The following PPP2R3A variants were observed in gnomAD, a reference collection of about 807,000 sequenced individuals.
PPP2R3A encodes protein phosphatase 2 regulatory subunit B''alpha.
In PPP2R3A, 80 loss-of-function variants were observed where a neutral mutation model predicts 106.9. The observed-to-expected ratio is 0.75, with a 90% confidence interval of 0.62 to 0.90. The LOEUF (loss-of-function observed/expected upper bound fraction) is 0.90, where lower values mean the gene tolerates loss of function less well. PPP2R3A is among the 40% of genes least tolerant of loss of function. The pLI is 0.00. For synonymous variants in PPP2R3A, 483 were observed against 468.3 expected, an observed-to-expected ratio of 1.03 and a Z score of -0.41; for missense variants, 1,386 against 1,350.4, an observed-to-expected ratio of 1.03 and a Z score of -0.41.
At chr3:136,073,768 C>G (rs575426222) in intron 6 of PPP2R3A, among the ~76,000 whole-genome samples, 162 of 152,258 alleles carry the variant, frequency 1.1e-3, no homozygotes, top group African/African-American at 3.6e-3. Context: ...TCCTCAGTGC[C>G]TTTTCTGTTA....
intron 2 of PPP2R3A, among the ~76,000 whole-genome samples, chr3:136,018,842 G>T (rs1454778754): frequency 6.6e-6 from 1 of 152,208 alleles, no homozygotes; most frequent in Non-Finnish European, 1.5e-5. Context: ...ATGCCCAGCA[G>T]CCTATCCTAC....
intron 12 of PPP2R3A, 106 bp downstream of exon 12, chr3:136,103,482 C>A: frequency 1.4e-6 from 1 of 737,182 alleles, no homozygotes; most frequent in Non-Finnish European, 2.2e-6. Flanking sequence ...AAAGAGGTAA[C>A]ATTTGTAACA....
intron 10 of PPP2R3A, among the ~76,000 whole-genome samples, chr3:136,100,401 G>A (rs929743107): frequency 4.0e-5 from 6 of 151,660 alleles, no homozygotes; most frequent in Non-Finnish European, 7.4e-5. Context: ...CAGGCTAGGC[G>A]CCGTGGCTCA....
Position 136,090,726 on chromosome 3 carries a change from G to C in PPP2R3A, c.2927+59G>C, listed in dbSNP as rs1937075357. The C allele has an allele frequency of 4.2e-6, 6 of 1,431,084 alleles. No individual in the cohort carries two copies. The Admixed American group carries it at 1.0e-4, about 25-fold the overall frequency. The allele number at this position is 1,431,084 out of a possible 1,614,324, so 88.6% of individuals were successfully genotyped here. A position where few individuals can be genotyped will look rare whatever the true frequency, so the allele number is the denominator to read the frequency against. ...AAACACATGCACAAAGCTTGAAAAA[G>C]TCATGGTGTATATTATACCTAGTGA... On this transcript the variant is annotated intron_variant, in intron 10 of 13. Transcript: ENST00000264977.
intron 1 of PPP2R3A, among the ~76,000 whole-genome samples, chr3:135,973,895 A>G (rs756811571): frequency 5.9e-5 from 9 of 152,138 alleles, no homozygotes; most frequent in Non-Finnish European, 1.0e-4. Flanking sequence ...TTTGTTTTCT[A>G]CAGTTATCTA....
intron 2 of PPP2R3A, among the ~76,000 whole-genome samples, chr3:136,015,364 A>G (rs752636868): frequency 1.1e-4 from 17 of 152,054 alleles, no homozygotes; most frequent in Admixed American, 3.9e-4. Flanking sequence ...CTCTTTCTCT[A>G]TATTTTGGAA....
Position 136,002,426 on chromosome 3 carries a change from C to G in PPP2R3A, c.928C>G (p.Leu310Val). The G allele has an allele frequency of 1.2e-6, 2 of 1,613,878 alleles. No homozygotes were observed. The highest frequency in any genetic ancestry group is 1.7e-6 in the Non-Finnish European group (2 of 1,179,772). The change falls in exon 2 of 14, where the codon CTG becomes GTG. Residue 310 changes from leucine (L) to valine (V), a missense_variant. Physicochemically the swap from Leu to Val is conservative, Grantham distance 32. Transcript: ENST00000264977. The part of the protein sequence containing the change: ...GNNEALDLTE[L>V]ISNMPSLQLT... Reference sequence around the variant, plus strand: ...TAATGAGGCTCTAGATTTAACAGAACTGATCAGTAATATGCCTAGCTTACA... The same window carrying G: ...TAATGAGGCTCTAGATTTAACAGAAGTGATCAGTAATATGCCTAGCTTACA...
chr3:135,998,456 A>G (rs2107783525), intron 1 of PPP2R3A, among the ~76,000 whole-genome samples: 1 of 152,378 alleles, frequency 6.6e-6, no homozygotes, highest in South Asian at 2.1e-4. Context: ...AAAACAATGT[A>G]CTTCCATTTT....
intron 1 of PPP2R3A, among the ~76,000 whole-genome samples, chr3:135,990,973 C>G (rs1272642037): frequency 6.6e-6 from 1 of 152,140 alleles, no homozygotes; most frequent in African/African-American, 2.4e-5. Flanking sequence ...TGTCTTCAAA[C>G]TTGAGACTCA....
chr3:136,050,307 A>G (rs1428952843), intron 5 of PPP2R3A, among the ~76,000 whole-genome samples: 1 of 152,226 alleles, frequency 6.6e-6, no homozygotes, highest in Non-Finnish European at 1.5e-5. Context: ...TCAGACCTGA[A>G]TAAACGTCAG....
At chr3:136,110,507 A>G (rs1937577779) in intron 13 of PPP2R3A, among the ~76,000 whole-genome samples, 1 of 152,202 alleles carries the variant, frequency 6.6e-6, no homozygotes, top group Non-Finnish European at 1.5e-5. Flanking sequence ...CAATAGAAAT[A>G]ATAGCTTAAT....
chr3:136,042,583 G>T (rs1222238455), intron 4 of PPP2R3A, among the ~76,000 whole-genome samples: 1 of 152,188 alleles, frequency 6.6e-6, no homozygotes, highest in Non-Finnish European at 1.5e-5. Flanking sequence ...CAGATGAATT[G>T]TTTAAATTTT....
At chr3:135,973,583 G>C (rs1056892559) in intron 1 of PPP2R3A, among the ~76,000 whole-genome samples, 5 of 152,148 alleles carry the variant, frequency 3.3e-5, no homozygotes, top group African/African-American at 1.2e-4. Context: ...GTTGAATTCT[G>C]TTGCTATTCC....
chr3:136,032,547 A>G (rs1934936221), intron 3 of PPP2R3A, among the ~76,000 whole-genome samples: 1 of 146,404 alleles, frequency 6.8e-6, no homozygotes, highest in Admixed American at 7.0e-5. Flanking sequence ...TTTTTTCCTG[A>G]GACGGAGTCT....
chr3:135,997,878 C>G (rs1306403875), intron 1 of PPP2R3A, among the ~76,000 whole-genome samples: 3 of 152,172 alleles, frequency 2.0e-5, no homozygotes, highest in African/African-American at 7.2e-5. Flanking sequence ...TCATAACCTC[C>G]TAATCGATTT....
intron 2 of PPP2R3A, among the ~76,000 whole-genome samples, chr3:136,008,743 G>C (rs1329130550): frequency 6.6e-6 from 1 of 152,004 alleles, no homozygotes; most frequent in Non-Finnish European, 1.5e-5. Flanking sequence ...TCATATCCAG[G>C]TGTTCCTGAT....
chr3:136,093,674 G>A (rs1384231296), intron 10 of PPP2R3A, among the ~76,000 whole-genome samples: 1 of 152,176 alleles, frequency 6.6e-6, no homozygotes, highest in African/African-American at 2.4e-5. Flanking sequence ...TTAGTCATCA[G>A]AGAAGTGCAA....
At chr3:136,039,025 C>T (rs917823278) in intron 3 of PPP2R3A, among the ~76,000 whole-genome samples, 1 of 152,166 alleles carries the variant, frequency 6.6e-6, no homozygotes, top group Non-Finnish European at 1.5e-5. Context: ...TCCTTACCTC[C>T]CTTGGCTTGA....
intron 13 of PPP2R3A, among the ~76,000 whole-genome samples, chr3:136,136,555 G>A (rs1938631933): frequency 6.6e-6 from 1 of 152,058 alleles, no homozygotes; most frequent in South Asian, 2.1e-4. Context: ...AAAAAATGGA[G>A]CTATTTGTTT....
Sources: gnomAD v4.1 joint callset for allele counts (sites outside exome capture counted in the v4.1 genomes callset) on GRCh38, gnomAD v4.1.1 for gene constraint, MANE v1.5 for transcripts, NCBI Gene and HGNC (gene_info 2026-07-23, HGNC 2026-07-21) for gene names.